Variants in STAG1 observed in about 807,000 individuals in gnomAD.
STAG1 encodes cohesin subunit SA-1.
STAG1 carries 26 observed loss-of-function variants against 170.9 expected under a neutral mutation model. The observed-to-expected ratio is 0.15, with a 90% confidence interval of 0.11 to 0.21. The LOEUF (loss-of-function observed/expected upper bound fraction) is 0.21, where lower values mean the gene tolerates loss of function less well. Among genes scored for constraint, STAG1 ranks in the 10% least tolerant of loss-of-function variants. STAG1 has a pLI of 1.00. For synonymous variants in STAG1, 514 were observed against 497.7 expected (o/e 1.03, Z -0.44); for missense variants, 964 against 1,509.5 (o/e 0.64, Z 5.99).
intron 7 of STAG1, among the ~76,000 whole-genome samples, chr3:136,514,790 T>A (rs1934263728): frequency 6.6e-6 from 1 of 152,078 alleles, no homozygotes; most frequent in Admixed American, 6.5e-5. Flanking sequence ...GAAACCATCA[T>A]TCTCAGCAAA....
chr3:136,552,515 G>A (rs967960417), intron 5 of STAG1, among the ~76,000 whole-genome samples: 30 of 152,244 alleles, frequency 2.0e-4, no homozygotes, highest in African/African-American at 6.7e-4. Flanking sequence ...ATAAATAAAA[G>A]CAGAAATTCA....
intron 2 of STAG1, 70 bp downstream of exon 2, chr3:136,630,800 T>C: frequency 9.1e-7 from 1 of 1,099,920 alleles, no homozygotes; most frequent in Non-Finnish European, 1.3e-6. Flanking sequence ...AAGAGAGCAT[T>C]TTGATAAAGA....
At chr3:136,666,788 C>A (rs1941796556) in intron 1 of STAG1, among the ~76,000 whole-genome samples, 1 of 151,464 alleles carries the variant, frequency 6.6e-6, no homozygotes, top group Non-Finnish European at 1.5e-5. Context: ...CCATTGCACT[C>A]CAGCCTGGGT....
chr3:136,566,171 C>T (rs924957755), intron 5 of STAG1, among the ~76,000 whole-genome samples: 2 of 152,070 alleles, frequency 1.3e-5, no homozygotes, highest in African/African-American at 4.8e-5. Flanking sequence ...ATCCTAACCC[C>T]CAAAGTGATG....
At chr3:136,492,124 ATC>A (rs2090136014) in intron 9 of STAG1, among the ~76,000 whole-genome samples, 2 of 152,352 alleles carry the variant, frequency 1.3e-5, no homozygotes, top group South Asian at 4.1e-4. Flanking sequence ...GTGCAGTAAT[ATC>A]TCCTATTAAT....
intron 6 of STAG1, among the ~76,000 whole-genome samples, chr3:136,521,875 T>C (rs537661113): frequency 1.1e-4 from 16 of 152,340 alleles, no homozygotes; most frequent in Non-Finnish European, 2.1e-4. Context: ...AAGCATTTCA[T>C]TGGGAAGTGC....
chr3:136,751,441 G>A (rs970668991), intron 1 of STAG1, among the ~76,000 whole-genome samples: 6 of 151,720 alleles, frequency 4.0e-5, no homozygotes, highest in Non-Finnish European at 8.8e-5. Flanking sequence ...CGAGAAAGGA[G>A]GGAAAACAAC....
intron 11 of STAG1, 38 bp downstream of exon 11, chr3:136,473,501 G>T (rs1037320322): frequency 1.4e-6 from 2 of 1,463,912 alleles, no homozygotes; most frequent in Non-Finnish European, 1.9e-6. Context: ...CATTTGTAAA[G>T]AGAAAAATTA....
At chr3:136,736,294 G>A (rs138600749) in intron 1 of STAG1, among the ~76,000 whole-genome samples, 13 of 152,268 alleles carry the variant, frequency 8.5e-5, no homozygotes, top group African/African-American at 3.1e-4. Flanking sequence ...CAAGGAGAGG[G>A]GAAGGCCTTT....
chr3:136,477,198 C>A, intron 10 of STAG1, 91 bp downstream of exon 10: 2 of 1,387,740 alleles, frequency 1.4e-6, no homozygotes, highest in South Asian at 1.6e-5. Context: ...ATTACAACTC[C>A]TGAAAAATCA....
At chr3:136,656,617 T>TGTGTGTGTGTG (rs1941381695) in intron 1 of STAG1, among the ~76,000 whole-genome samples, 50 of 143,392 alleles carry the variant, frequency 3.5e-4, no homozygotes, top group African/African-American at 3.5e-4. Flanking sequence ...CTGTATTTAT[T>TGTGTGTGTGTG]TGTGTGTGTG....
At chr3:136,404,034 C>A (rs2087411800) in intron 21 of STAG1, among the ~76,000 whole-genome samples, 1 of 152,218 alleles carries the variant, frequency 6.6e-6, no homozygotes, top group South Asian at 2.1e-4. Flanking sequence ...TCCTGTCAAG[C>A]TTCACTCTTA....
At chr3:136,565,809 AAC>A (rs1483768040) in intron 5 of STAG1, among the ~76,000 whole-genome samples, 3 of 152,210 alleles carry the variant, frequency 2.0e-5, no homozygotes, top group Non-Finnish European at 2.9e-5. Flanking sequence ...TGGATAAACA[AAC>A]AGTGATATAT....
intron 1 of STAG1, among the ~76,000 whole-genome samples, chr3:136,732,107 TAATC>T (rs1216041250): frequency 1.3e-5 from 2 of 152,056 alleles, no homozygotes; most frequent in Non-Finnish European, 2.9e-5. Flanking sequence ...CCCAGAGAAG[TAATC>T]AATCAAAGAC....
chr3:136,338,471 C>CTTAAT (rs772031968), intron 32 of STAG1, 21 bp from the exon 33 acceptor site: 1 of 1,597,838 alleles, frequency 6.3e-7, no homozygotes, highest in East Asian at 2.2e-5. Flanking sequence ...AAATCGGTTT[C>CTTAAT]TTAATTTTTT....
In STAG1 at chr3:136,715,013, T is replaced by TA. The variant is rs576077154; in HGVS notation, c.-84+37181dup. Among the ~76,000 whole-genome samples the TA allele has an allele frequency of 1.4e-3, 160 of 113,924 alleles. 6 individuals carry two copies. In the South Asian group the frequency reaches 0.039, roughly 28 times the overall value. 74.7% of individuals were successfully genotyped at this position (113,924 alleles called of 152,430 possible). On this transcript the variant is annotated intron_variant, in intron 1 of 33. Transcript: ENST00000383202. The stretch of plus-strand genomic sequence containing the variant: ...ATATTTTATATATATAATATATATA[T>TA]AAAATATATATATAAAATAAAAGTC...
intron 1 of STAG1, among the ~76,000 whole-genome samples, chr3:136,663,875 TAAG>T (rs1380369103): frequency 2.6e-5 from 4 of 152,144 alleles, no homozygotes; most frequent in Non-Finnish European, 4.4e-5. Flanking sequence ...GAGATCCAAC[TAAG>T]AAAAAGTAAG....
At chr3:136,550,365 T>C (rs945463096) in intron 5 of STAG1, among the ~76,000 whole-genome samples, 4 of 151,750 alleles carry the variant, frequency 2.6e-5, no homozygotes, top group African/African-American at 9.7e-5. Flanking sequence ...TGGAGTACAG[T>C]GGCGCGATCT....
intron 22 of STAG1, among the ~76,000 whole-genome samples, chr3:136,383,532 A>G (rs1368638917): frequency 6.6e-6 from 1 of 152,218 alleles, no homozygotes; most frequent in Non-Finnish European, 1.5e-5. Context: ...CCAGAATACA[A>G]TAATAATAAA....
Sources: gnomAD v4.1 joint callset for allele counts (sites outside exome capture counted in the v4.1 genomes callset) on GRCh38, gnomAD v4.1.1 for gene constraint, MANE v1.5 for transcripts, NCBI Gene and HGNC (gene_info 2026-07-23, HGNC 2026-07-21) for gene names.